The following MYO3B variants were observed in gnomAD, a reference collection of about 807,000 sequenced individuals.
MYO3B encodes the protein myosin IIIB.
In MYO3B, 156 loss-of-function variants were observed where a neutral mutation model predicts 174.6. The ratio of observed to expected loss-of-function variants is 0.89; its 90% confidence interval spans 0.78 to 1.02. The LOEUF is 1.02. MYO3B is among the 50% of genes least tolerant of loss of function. The pLI is 0.00. For synonymous variants in MYO3B, 563 were observed against 569.1 expected (o/e 0.99, Z 0.15); for missense variants, 1,632 against 1,639.4 (o/e 1.00, Z 0.08).
At chr2:170,473,471 T>C (rs1685115386) in intron 25 of MYO3B, among the ~76,000 whole-genome samples, 1 of 152,086 alleles carries the variant, frequency 6.6e-6, no homozygotes, top group Non-Finnish European at 1.5e-5. Flanking sequence ...TCTTTTATCA[T>C]CCCTTGACTC....
In MYO3B at chr2:170,404,307, C is replaced by A; in HGVS notation, c.2338C>A (p.Leu780Ile). Residue 780 changes from leucine to isoleucine, a missense_variant, in exon 20 of 35, where the codon CTC (leucine) becomes ATC (isoleucine). Transcript: ENST00000408978. ...VPVEYEDNRPLLDMFLQKPLG... is the reference protein window; with the variant it reads ...VPVEYEDNRPILDMFLQKPLG... ...CGTGGAATATGAGGACAACCGCCCG[C>A]TCTTGGACATGTTCCTCCAGAAACC... 1 of 1,613,838 alleles carries A rather than the reference C, an allele frequency of 6.2e-7. No individual in the cohort carries two copies. Among genetic ancestry groups the A allele is most frequent in the Non-Finnish European group, 8.5e-7 (1 of 1,179,860 alleles).
At chr2:170,583,365 T>C (rs1237831934) in intron 32 of MYO3B, among the ~76,000 whole-genome samples, 2 of 152,088 alleles carry the variant, frequency 1.3e-5, no homozygotes, top group African/African-American at 2.4e-5. Flanking sequence ...TCGAAGAACA[T>C]GGCATCATTT....
At chr2:170,463,308 C>CT in intron 23 of MYO3B, 60 bp from the exon 24 acceptor site, 1 of 1,474,854 alleles carries the variant, frequency 6.8e-7, no homozygotes, top group Non-Finnish European at 9.4e-7. Context: ...TTTTGGAAGA[C>CT]ATGGAGCATG....
At chr2:170,369,632 G>C (rs1285662105) in intron 9 of MYO3B, among the ~76,000 whole-genome samples, 1 of 151,470 alleles carries the variant, frequency 6.6e-6, no homozygotes, top group Non-Finnish European at 1.5e-5. Flanking sequence ...TGTTCAGTTA[G>C]CTTTAGTTAA....
chr2:170,506,739 A>G (rs1687644039), intron 28 of MYO3B, among the ~76,000 whole-genome samples: 1 of 152,216 alleles, frequency 6.6e-6, no homozygotes, highest in Admixed American at 6.5e-5. Context: ...AAGTGTATGC[A>G]TTGAAATGAC....
At chr2:170,415,331 G>A (rs1023989993) in intron 22 of MYO3B, among the ~76,000 whole-genome samples, 5 of 152,080 alleles carry the variant, frequency 3.3e-5, no homozygotes, top group African/African-American at 9.6e-5. Context: ...ACCTTTTCTG[G>A]CTATCCTATC....
At chr2:170,492,045 C>T (rs1291440061) in intron 25 of MYO3B, among the ~76,000 whole-genome samples, 1 of 144,354 alleles carries the variant, frequency 6.9e-6, no homozygotes, top group Non-Finnish European at 1.5e-5. Flanking sequence ...AGAGATGAGA[C>T]TCCGTCTCAA....
intron 32 of MYO3B, among the ~76,000 whole-genome samples, chr2:170,649,113 T>C (rs1270357534): frequency 3.6e-3 from 232 of 64,294 alleles, no homozygotes; most frequent in Admixed American, 8.3e-3. Context: ...ATATATAAAA[T>C]AATATATAAT....
rs967735057 is a variant in MYO3B at position 170,498,686 on chromosome 2, G to A, written c.3109G>A (p.Val1037Ile). The A allele has an allele frequency of 1.4e-5, 23 of 1,610,246 alleles. No individual in the cohort carries two copies. Among genetic ancestry groups the A allele is most frequent in the Middle Eastern group, 1.6e-4 (1 of 6,076 alleles). ...ILEKSRLDHW[V>I]LGKTKVFLKY... ...GGAAAAGTCCAGATTAGATCACTGG[G>A]TACTGGGAAAAACAAAGGTAGTTCG... Residue 1037 changes from valine (V) to isoleucine (I), a missense_variant, in exon 26 of 35, where the codon GTA becomes ATA. Physicochemically the swap from Val to Ile is conservative, Grantham distance 29 (BLOSUM62 3). Transcript: ENST00000408978.
intron 8 of MYO3B, chr2:170,343,834 T>C (rs952835683): frequency 2.0e-5 from 3 of 152,252 alleles, no homozygotes; most frequent in Non-Finnish European, 4.4e-5. Flanking sequence ...AGCCTCAATT[T>C]CCTCATCTGC....
At chr2:170,194,308 C>G (rs780943480) in intron 1 of MYO3B, among the ~76,000 whole-genome samples, 5 of 151,986 alleles carry the variant, frequency 3.3e-5, no homozygotes, top group African/African-American at 4.8e-5. Flanking sequence ...AGTTCAAGAC[C>G]AGCCTGGGCT....
intron 32 of MYO3B, among the ~76,000 whole-genome samples, chr2:170,545,797 T>A (rs1575144501): frequency 6.6e-6 from 1 of 152,190 alleles, no homozygotes; most frequent in African/African-American, 2.4e-5. Flanking sequence ...CCTTACACTC[T>A]TATAAACAGC....
Position 170,466,500 on chromosome 2 carries a change from T to A in MYO3B, c.2809-6T>A. On this transcript the variant is annotated splice_polypyrimidine_tract_variant and splice_region_variant and intron_variant, in intron 24 of 34. Transcript: ENST00000408978. ...CTTGTTCCTTGTGCATTTTTCTCCC[T>A]GGTAGTATTCTCTGATGGACCTGCT... 6.2e-7 allele frequency: 1 copy of A among 1,613,926 alleles called. No individual in the cohort carries two copies. The highest frequency in any genetic ancestry group is 8.5e-7 in the Non-Finnish European group (1 of 1,179,894).
At chr2:170,418,097 T>C (rs1351563962) in intron 22 of MYO3B, among the ~76,000 whole-genome samples, 4 of 152,190 alleles carry the variant, frequency 2.6e-5, no homozygotes, top group Non-Finnish European at 5.9e-5. Context: ...GCAGGAGGCT[T>C]CAGTGAGGTC....
chr2:170,583,732 G>C (rs1449330353), intron 32 of MYO3B, among the ~76,000 whole-genome samples: 1 of 152,050 alleles, frequency 6.6e-6, no homozygotes, highest in African/African-American at 2.4e-5. Context: ...AAAATATCTA[G>C]TATCTAAAAG....
chr2:170,404,309 C>G lies in MYO3B; in HGVS notation c.2340C>G (p.Leu780=), dbSNP rs754255993. The part of the protein sequence containing the change: ...VPVEYEDNRP[L]LDMFLQKPLG... ...TGGAATATGAGGACAACCGCCCGCT[C>G]TTGGACATGTTCCTCCAGAAACCCC... Residue 780 remains leucine (L), a synonymous_variant, in exon 20 of 35, where the codon CTC becomes CTG. Coordinates refer to ENST00000408978, the MANE Select transcript of MYO3B (RefSeq NM_138995.5). 5.0e-6 allele frequency: 8 copies of G among 1,613,734 alleles called. No homozygotes were observed. The Admixed American group carries it at 1.3e-4, about 27-fold the overall frequency.
At chr2:170,632,483 G>A (rs1697081712) in intron 32 of MYO3B, among the ~76,000 whole-genome samples, 1 of 152,150 alleles carries the variant, frequency 6.6e-6, no homozygotes, top group African/African-American at 2.4e-5. Context: ...AAAGCAGTGT[G>A]TAGAGGGAAA....
chr2:170,325,543 T>C (rs2093860305), intron 7 of MYO3B, among the ~76,000 whole-genome samples: 2 of 152,134 alleles, frequency 1.3e-5, no homozygotes. Context: ...TTTTCTTTGT[T>C]CAAATTTCTG....
At chr2:170,283,499 T>A (rs935233916) in intron 7 of MYO3B, among the ~76,000 whole-genome samples, 6 of 152,202 alleles carry the variant, frequency 3.9e-5, no homozygotes, top group Admixed American at 2.6e-4. Context: ...ATCTTGAACC[T>A]CTCCCCTATA....
Sources: allele counts gnomAD v4.1 joint callset (sites outside exome capture counted in the v4.1 genomes callset), GRCh38; gene constraint gnomAD v4.1.1; transcripts MANE v1.5; gene names NCBI Gene and HGNC (gene_info 2026-07-23, HGNC 2026-07-21).